Variants in MAP3K15 observed in about 807,000 individuals in gnomAD.
MAP3K15 encodes mitogen-activated protein kinase kinase kinase 15.
Under a neutral mutation model 99.5 loss-of-function variants are expected in MAP3K15, and 124 were observed. That is an observed-to-expected ratio of 1.25 (90% CI 1.08 to 1.45). The LOEUF (loss-of-function observed/expected upper bound fraction) is 1.45. Ranked by LOEUF, MAP3K15 falls within the 40% of genes most tolerant of loss-of-function variation. The pLI, the probability that MAP3K15 is intolerant of heterozygous loss-of-function variation, is 0.00. For synonymous variants in MAP3K15, 494 were observed against 439.6 expected (o/e 1.12, Z -1.55); for missense variants, 1,242 against 1,079.7 (o/e 1.15, Z -2.11).
In MAP3K15 at chrX:19,451,279, C is replaced by CAA. The variant is rs774870935; in HGVS notation, c.995+5632_995+5633dup. Among the ~76,000 whole-genome samples, 239 of 28,602 alleles carry CAA rather than the reference C, an allele frequency of 8.4e-3. 3 individuals carry two copies. Among genetic ancestry groups the CAA allele is most frequent in the African/African-American group, 0.024 (184 of 7,561 alleles). 24.8% of individuals were successfully genotyped at this position (28,602 alleles called of 115,157 possible). On this transcript the variant is annotated intron_variant, in intron 6 of 28. Coordinates refer to ENST00000338883, the MANE Select transcript of MAP3K15 (RefSeq NM_001001671.4). ...CAGCCTGGGCAACAGAGTCAGTTTC[C>CAA]AAAAAAAAAAAAAAAAGAAGAAGAT... is the stretch of plus-strand genomic sequence containing the variant.
At position 19,460,075 on chromosome X, in the gene MAP3K15, C is replaced by T; in HGVS notation, c.798G>A (p.Glu266=). 8.4e-7 allele frequency: 1 copy of T among 1,196,929 alleles called. No homozygotes were observed. Among genetic ancestry groups the T allele is most frequent in the African/African-American group, 1.7e-5 (1 of 57,720 alleles). The change falls in exon 5 of 29, where the codon GAG becomes GAA. Residue 266 remains glutamate, a synonymous_variant. Coordinates refer to ENST00000338883, the MANE Select transcript of MAP3K15 (RefSeq NM_001001671.4). ...EKYQGEELAK[E]LARIKLRMDN... ...CCATGCGGAGCTTGATCCGAGCTAG[C>T]TCCTTCGCCAGTTCCTCACCTTGGT...
intron 6 of MAP3K15, among the ~76,000 whole-genome samples, chrX:19,447,527 C>A (rs142864536): frequency 9.0e-6 from 1 of 111,041 alleles, no homozygotes; most frequent in East Asian, 2.8e-4. Flanking sequence ...ATGTGAATTG[C>A]CATCCTGAAT....
intron 18 of MAP3K15, among the ~76,000 whole-genome samples, 180 bp downstream of exon 18, chrX:19,391,822 G>C (rs1005802977): frequency 9.0e-6 from 1 of 111,586 alleles, no homozygotes; most frequent in Non-Finnish European, 1.9e-5. Context: ...CTGGCTAGGT[G>C]CATCACTATG....
At position 19,471,558 on chromosome X, in the gene MAP3K15, G is replaced by C. The variant is rs765168178; in HGVS notation, c.526-7152C>G. 2.7e-5 allele frequency among the ~76,000 whole-genome samples: 3 copies of C among 110,862 alleles called. No homozygotes were observed. The Admixed American group carries it at 2.9e-4, about 11-fold the overall frequency. On this transcript the variant is annotated intron_variant, in intron 3 of 28. Coordinates refer to ENST00000338883, the MANE Select transcript of MAP3K15 (RefSeq NM_001001671.4). The stretch of plus-strand genomic sequence containing the variant: ...ATTACAGGCATGAGCCACCGTGCCC[G>C]GCCCCAGATATCATTTTTTAAAAAA...
chrX:19,504,228 T>C (rs1446934222), intron 1 of MAP3K15, among the ~76,000 whole-genome samples: 1 of 111,587 alleles, frequency 9.0e-6, no homozygotes, highest in Non-Finnish European at 1.9e-5. Flanking sequence ...TAGGCTATGC[T>C]GCCACAACAG....
chrX:19,369,053 C>A lies in MAP3K15; in HGVS notation c.3566+1G>T. 2.5e-6 allele frequency: 3 copies of A among 1,193,536 alleles called. No homozygotes were observed. Among genetic ancestry groups the A allele is most frequent in the Non-Finnish European group, 3.4e-6 (3 of 886,711 alleles). ...CAGAGGAGGGCCCAGAAGCTCCTCA[C>A]CTGTTGGTCTCCTGTCTGAGCTCAC... On this transcript the variant is annotated splice_donor_variant, in intron 25 of 28. Transcript: ENST00000338883. LOFTEE classifies it high-confidence loss of function.
intron 3 of MAP3K15, among the ~76,000 whole-genome samples, chrX:19,479,587 T>C (rs1003349408): frequency 1.8e-5 from 2 of 112,318 alleles, no homozygotes; most frequent in African/African-American, 6.5e-5. Context: ...TATAAAGGTA[T>C]GATTATCCTT....
chrX:19,461,543 T>C (rs1265649968), intron 4 of MAP3K15, among the ~76,000 whole-genome samples: 3 of 112,741 alleles, frequency 2.7e-5, no homozygotes, highest in African/African-American at 9.7e-5. Flanking sequence ...TTATCTGGTA[T>C]TTGGTTTAAA....
chrX:19,400,563 G>T lies in MAP3K15; in HGVS notation c.1932+13C>A. The T allele has an allele frequency of 8.7e-7, 1 of 1,144,814 alleles. No individual in the cohort carries two copies. The highest frequency in any genetic ancestry group is 1.2e-6 in the Non-Finnish European group (1 of 838,451). The allele number at this position is 1,144,814 out of a possible 1,213,427, so 94.3% of individuals were successfully genotyped here. A position where few individuals can be genotyped will look rare whatever the true frequency, so the allele number is the denominator to read the frequency against. On this transcript the variant is annotated intron_variant, in intron 14 of 28. Coordinates refer to ENST00000338883, the MANE Select transcript of MAP3K15 (RefSeq NM_001001671.4). Reference sequence around the variant, plus strand: ...ATCAATGTTTTCCATATTCTAGATCGTCCATGACTCACCTCCAAGGTGTCT... The same window carrying T: ...ATCAATGTTTTCCATATTCTAGATCTTCCATGACTCACCTCCAAGGTGTCT...
chrX:19,413,083 A>T, intron 11 of MAP3K15, among the ~76,000 whole-genome samples: 1 of 106,412 alleles, frequency 9.4e-6, no homozygotes, highest in Non-Finnish European at 1.9e-5. Context: ...TAAAAAAACA[A>T]ACCAACCTGT....
At chrX:19,381,476 A>G (rs181751513) in intron 18 of MAP3K15, among the ~76,000 whole-genome samples, 14 of 112,492 alleles carry the variant, frequency 1.2e-4, no homozygotes, top group Non-Finnish European at 2.6e-4. Context: ...CAGCCTGGGT[A>G]AAGTGTAACT....
In MAP3K15 at chrX:19,511,405, T is replaced by C. The variant is rs2064517434; in HGVS notation, c.361+3496A>G. On this transcript the variant is annotated intron_variant, in intron 1 of 28. Coordinates refer to ENST00000338883, the MANE Select transcript of MAP3K15 (RefSeq NM_001001671.4). The stretch of plus-strand genomic sequence containing the variant: ...GGCAACCTACAGAATGGGAGAACGT[T>C]TTTGGAATCTATCAATCTGACAAAG... Among the ~76,000 whole-genome samples, 3 of 111,925 alleles carry C rather than the reference T, an allele frequency of 2.7e-5. No homozygotes were observed. The South Asian group carries it at 1.1e-3, about 42-fold the overall frequency.
intron 18 of MAP3K15, among the ~76,000 whole-genome samples, chrX:19,384,868 C>A (rs1381855770): frequency 1.8e-5 from 2 of 108,469 alleles, no homozygotes; most frequent in African/African-American, 6.7e-5. Context: ...ACCTTATTTA[C>A]CCTGATGTGA....
chrX:19,456,788 T>C (rs923759970), intron 6 of MAP3K15, 125 bp downstream of exon 6: 4 of 463,170 alleles, frequency 8.6e-6, no homozygotes, highest in Non-Finnish European at 1.5e-5. Flanking sequence ...GACTGGACCT[T>C]GTCCATCTTC....
At chrX:19,436,688 T>A (rs1674599116) in intron 6 of MAP3K15, among the ~76,000 whole-genome samples, 1 of 111,080 alleles carries the variant, frequency 9.0e-6, no homozygotes, top group Non-Finnish European at 1.9e-5. Flanking sequence ...CTTTTTTTTG[T>A]CCCCCTCAGA....
rs2063808557 is a variant in MAP3K15, at chrX:19,424,032, G to A, written c.1439+1499C>T. ...CTATTCACATGACTCCACTGGGAAA[G>A]GACAACTGGAAGCTTGCACGTGGTC... On this transcript the variant is annotated intron_variant, in intron 9 of 28. Transcript: ENST00000338883. Among the ~76,000 whole-genome samples, 4 of 110,905 alleles carry A rather than the reference G, an allele frequency of 3.6e-5. No individual in the cohort carries two copies. The Admixed American group carries it at 3.9e-4, about 11-fold the overall frequency.
intron 25 of MAP3K15, 127 bp from the exon 26 acceptor site, chrX:19,362,977 G>A (rs2063304543): frequency 2.4e-6 from 1 of 416,041 alleles, no homozygotes; most frequent in East Asian, 3.9e-5. Flanking sequence ...AAGTCTAAGA[G>A]TCAGCCTAGA....
At chrX:19,416,450 G>C (rs932050704) in intron 9 of MAP3K15, among the ~76,000 whole-genome samples, 1 of 111,573 alleles carries the variant, frequency 9.0e-6, no homozygotes, top group Non-Finnish European at 1.9e-5. Flanking sequence ...CACGGTTCTC[G>C]TGCATTCTTC....
Position 19,362,763 on chromosome X carries a change from G to A in MAP3K15, c.3654C>T (p.His1218=), listed in dbSNP as rs149055708. 2.6e-6 allele frequency: 3 copies of A among 1,176,043 alleles called. No individual in the cohort carries two copies. Among genetic ancestry groups the A allele is most frequent in the Non-Finnish European group, 2.3e-6 (2 of 869,142 alleles). The change falls in exon 26 of 29, where the codon CAC becomes CAT. Residue 1218 remains histidine, a synonymous_variant. Coordinates refer to ENST00000338883, the MANE Select transcript of MAP3K15 (RefSeq NM_001001671.4). ...AATTCGATTTTAATTTTAACTGAAG[G>A]TGATACAATTCTTGAGTTTTCTGTT... ...TLEQKTQELY[H]LQLKLKSNCI...
Sources: allele counts gnomAD v4.1 joint callset (sites outside exome capture counted in the v4.1 genomes callset), GRCh38; gene constraint gnomAD v4.1.1; transcripts MANE v1.5; gene names NCBI Gene and HGNC (gene_info 2026-07-23, HGNC 2026-07-21).